The following KCNQ5 variants were observed in gnomAD, a reference collection of about 807,000 sequenced individuals.
KCNQ5 encodes the protein potassium voltage-gated channel subfamily Q member 5.
In KCNQ5, 30 loss-of-function variants were observed where a neutral mutation model predicts 98.2. The ratio of observed to expected loss-of-function variants is 0.31; its 90% CI spans 0.23 to 0.41. The LOEUF (loss-of-function observed/expected upper bound fraction) is 0.41, where lower values mean the gene tolerates loss of function less well. KCNQ5 is among the 10% of genes least tolerant of loss of function. The pLI, the probability that KCNQ5 is intolerant of heterozygous loss-of-function variation, is 1.00. For synonymous variants in KCNQ5, 458 were observed against 449.4 expected (o/e 1.02, Z -0.24); for missense variants, 835 against 1,182.5 (o/e 0.71, Z 4.31).
chr6:73,061,771 A>T (rs1365625473), intron 3 of KCNQ5, among the ~76,000 whole-genome samples: 2 of 152,186 alleles, frequency 1.3e-5, no homozygotes, highest in African/African-American at 4.8e-5. Context: ...CAATGAGATG[A>T]TACATGTAAA....
chr6:72,915,288 A>C (rs1012724078), intron 1 of KCNQ5, among the ~76,000 whole-genome samples: 1 of 152,218 alleles, frequency 6.6e-6, no homozygotes, highest in African/African-American at 2.4e-5. Flanking sequence ...TCTCAGTTAT[A>C]AGGGATGTCT....
intron 1 of KCNQ5, among the ~76,000 whole-genome samples, chr6:72,741,497 G>A (rs1354553143): frequency 6.6e-6 from 1 of 152,190 alleles, no homozygotes; most frequent in Admixed American, 6.5e-5. Context: ...CTCTTACTAA[G>A]ATGCAGGGTC....
At chr6:73,034,915 G>A (rs1322512295) in intron 2 of KCNQ5, among the ~76,000 whole-genome samples, 23 of 147,574 alleles carry the variant, frequency 1.6e-4, no homozygotes, top group African/African-American at 5.6e-4. Flanking sequence ...GCATGATCTC[G>A]GCTCACTGCA....
chr6:72,645,921 G>A (rs1184677045), intron 1 of KCNQ5, among the ~76,000 whole-genome samples: 2 of 152,052 alleles, frequency 1.3e-5, no homozygotes, highest in Non-Finnish European at 2.9e-5. Context: ...TCCCTGAAAG[G>A]CATTTTTTCT....
chr6:72,719,711 C>G (rs1232723318), intron 1 of KCNQ5, among the ~76,000 whole-genome samples: 14 of 152,146 alleles, frequency 9.2e-5, no homozygotes, highest in Admixed American at 9.2e-4. Flanking sequence ...CCTCTCTTGC[C>G]TCTCTGGTAA....
At chr6:72,831,792 T>C (rs1218570181) in intron 1 of KCNQ5, among the ~76,000 whole-genome samples, 2 of 151,942 alleles carry the variant, frequency 1.3e-5, no homozygotes, top group Non-Finnish European at 2.9e-5. Flanking sequence ...ACGGACATTG[T>C]TGCAGAGCCC....
rs946874696 is a variant in KCNQ5 at position 72,858,468 on chromosome 6, A to G, written c.399-145440A>G. Among the ~76,000 whole-genome samples, 16 of 151,730 alleles carry G rather than the reference A, an allele frequency of 1.1e-4. No individual in the cohort carries two copies. The East Asian group carries it at 1.3e-3, about 13-fold the overall frequency. On this transcript the variant is annotated intron_variant, in intron 1 of 13. Transcript: ENST00000370398. Reference sequence around the variant, plus strand: ...ACCATTTTCCTATTGTGGAACATGTATACATATTTATATATATTTATATTT... The same window carrying G: ...ACCATTTTCCTATTGTGGAACATGTGTACATATTTATATATATTTATATTT...
chr6:72,649,319 A>G (rs1457060289), intron 1 of KCNQ5, among the ~76,000 whole-genome samples: 1 of 152,210 alleles, frequency 6.6e-6, no homozygotes, highest in Non-Finnish European at 1.5e-5. Flanking sequence ...GTATGTGCAC[A>G]TATGCATGAT....
At chr6:72,630,993 G>C (rs989851759) in intron 1 of KCNQ5, among the ~76,000 whole-genome samples, 3 of 152,182 alleles carry the variant, frequency 2.0e-5, no homozygotes, top group Non-Finnish European at 2.9e-5. Context: ...AGATAATTAG[G>C]ACTTAGACTG....
intron 1 of KCNQ5, among the ~76,000 whole-genome samples, chr6:72,793,024 A>G (rs1278001516): frequency 6.6e-6 from 1 of 152,180 alleles, no homozygotes; most frequent in East Asian, 1.9e-4. Context: ...ACATTTTCAG[A>G]TTGTTACAAC....
At chr6:72,704,747 T>C (rs1768988819) in intron 1 of KCNQ5, among the ~76,000 whole-genome samples, 1 of 152,186 alleles carries the variant, frequency 6.6e-6, no homozygotes, top group South Asian at 2.1e-4. Flanking sequence ...CTTAATCCTA[T>C]TGCAAATCTT....
chr6:72,738,656 T>G (rs1469210186), intron 1 of KCNQ5, among the ~76,000 whole-genome samples: 1 of 152,120 alleles, frequency 6.6e-6, no homozygotes, highest in African/African-American at 2.4e-5. Flanking sequence ...AACCAAGATG[T>G]CCTTCAGTAG....
At position 72,733,413 on chromosome 6, in the gene KCNQ5, C is replaced by T. The variant is rs1014575166; in HGVS notation, c.398+110826C>T. Among the ~76,000 whole-genome samples the T allele has an allele frequency of 3.9e-5, 6 of 152,306 alleles. No homozygotes were observed. The East Asian group carries it at 1.2e-3, about 29-fold the overall frequency. On this transcript the variant is annotated intron_variant, in intron 1 of 13. Coordinates refer to ENST00000370398, the MANE Select transcript of KCNQ5 (RefSeq NM_019842.4). ...ATCATTGAGGAACAACGCAAGGTAG[C>T]TTTAGCAGAAAGATAAGGATGAGGA...
intron 3 of KCNQ5, chr6:73,043,173 C>A: frequency 2.2e-6 from 1 of 445,382 alleles, no homozygotes; most frequent in African/African-American, 2.0e-5. Context: ...CATCCATGGG[C>A]ACTGTTAAGA....
chr6:72,720,347 C>T (rs1289540282), intron 1 of KCNQ5, among the ~76,000 whole-genome samples: 2 of 152,190 alleles, frequency 1.3e-5, no homozygotes, highest in African/African-American at 4.8e-5. Context: ...AATGACTTCT[C>T]TATGAATTAG....
At chr6:72,779,860 TG>T (rs1773368700) in intron 1 of KCNQ5, among the ~76,000 whole-genome samples, 3 of 149,228 alleles carry the variant, frequency 2.0e-5, no homozygotes, top group Admixed American at 6.7e-5. Flanking sequence ...TGTGTGTGTG[TG>T]TGTGTGTGTG....
chr6:72,875,742 A>C (rs557249605), intron 1 of KCNQ5, among the ~76,000 whole-genome samples: 22 of 152,170 alleles, frequency 1.4e-4, no homozygotes, highest in Middle Eastern at 3.4e-3. Context: ...GAATTTTTGC[A>C]TCAGAAATAT....
intron 1 of KCNQ5, among the ~76,000 whole-genome samples, chr6:72,981,722 G>T (rs1051475141): frequency 2.0e-5 from 3 of 152,068 alleles, no homozygotes. Context: ...GTTTGCTCTT[G>T]CTTCTCTACT....
At chr6:72,846,280 C>G (rs1017648550) in intron 1 of KCNQ5, among the ~76,000 whole-genome samples, 1 of 152,154 alleles carries the variant, frequency 6.6e-6, no homozygotes, top group Non-Finnish European at 1.5e-5. Context: ...ATCACCATTT[C>G]TCAAAGAGTT....
Sources: allele counts gnomAD v4.1 joint callset (sites outside exome capture counted in the v4.1 genomes callset), GRCh38; gene constraint gnomAD v4.1.1; transcripts MANE v1.5; gene names NCBI Gene and HGNC (gene_info 2026-07-23, HGNC 2026-07-21).